Variants in EPB41L5 observed in about 807,000 individuals in gnomAD.
EPB41L5 encodes the protein band 4.1-like protein 5.
EPB41L5 carries 55 observed loss-of-function variants against 106.6 expected under a neutral mutation model. The observed-to-expected ratio is 0.52, with a 90% CI of 0.42 to 0.65. The LOEUF (loss-of-function observed/expected upper bound fraction) is 0.65, where lower values mean the gene tolerates loss of function less well. Ranked by LOEUF, EPB41L5 falls within the 30% of genes least tolerant of loss-of-function variation. EPB41L5 has a pLI of 0.00. For missense variants in EPB41L5, 871 were observed against 882.1 expected (o/e 0.99, Z 0.16); for synonymous variants, 297 against 306.7 (o/e 0.97, Z 0.33).
At chr2:120,034,344 T>C (rs1316865020) in intron 2 of EPB41L5, among the ~76,000 whole-genome samples, 1 of 152,226 alleles carries the variant, frequency 6.6e-6, no homozygotes, top group Non-Finnish European at 1.5e-5. Context: ...TTTAAAGCAA[T>C]GCTTCCCTTT....
In EPB41L5 at chr2:120,142,107, C is replaced by CTT. The variant is rs75021429; in HGVS notation, c.1600-891_1600-890dup. ...CTCTGCAACTTAGTCTCTGTGCTTTCTTTTTTAAAAAAAAAAAAAAAAAAA... is the reference window on the plus strand; with the variant it reads ...CTCTGCAACTTAGTCTCTGTGCTTTCTTTTTTTTAAAAAAAAAAAAAAAAAAA... On this transcript the variant is annotated intron_variant, in intron 18 of 24. Transcript: ENST00000263713. Among the ~76,000 whole-genome samples, 163 of 71,082 alleles carry CTT rather than the reference C, an allele frequency of 2.3e-3. 1 individual carries two copies. Among genetic ancestry groups the CTT allele is most frequent in the African/African-American group, 5.6e-3 (154 of 27,442 alleles). The allele number at this position is 71,082 out of a possible 152,430, so 46.6% of individuals were successfully genotyped here.
chr2:120,153,814 C>T (rs1686781924), intron 20 of EPB41L5, among the ~76,000 whole-genome samples: 1 of 152,296 alleles, frequency 6.6e-6, no homozygotes, highest in Non-Finnish European at 1.5e-5. Flanking sequence ...ATAGCAACCA[C>T]AGCTGTCTTT....
Position 120,178,986 on chromosome 2 carries a change from A to G in EPB41L5, c.*4079A>G, listed in dbSNP as rs879676478. Reference sequence around the variant, plus strand: ...CATTTAAAGTGTAATTTATTTTTCTATCAAGTGCACTATTCATTTAGTGTG... The same window carrying G: ...CATTTAAAGTGTAATTTATTTTTCTGTCAAGTGCACTATTCATTTAGTGTG... On this transcript the variant is annotated 3_prime_UTR_variant, in exon 25 of 25. Coordinates refer to ENST00000263713, the MANE Select transcript of EPB41L5 (RefSeq NM_020909.4). The G allele has an allele frequency of 6.6e-6, 1 of 152,206 alleles. No individual in the cohort carries two copies. The allele number at this position is 152,206 out of a possible 1,614,324, so 9.4% of individuals were successfully genotyped here. A position where few individuals can be genotyped will look rare whatever the true frequency, so the allele number is the denominator to read the frequency against.
At chr2:120,040,742 G>A (rs572211878) in intron 2 of EPB41L5, among the ~76,000 whole-genome samples, 86 of 152,242 alleles carry the variant, frequency 5.6e-4, no homozygotes, top group African/African-American at 2.0e-3. Flanking sequence ...GGAATTGGGT[G>A]GAGGGGAGAT....
intron 2 of EPB41L5, among the ~76,000 whole-genome samples, chr2:120,035,387 C>T (rs1226818578): frequency 1.3e-5 from 2 of 152,202 alleles, no homozygotes; most frequent in African/African-American, 4.8e-5. Context: ...GCATGAGCCA[C>T]CATGCCTGGC....
chr2:120,142,421 CTTTGTT>C (rs1686214762), intron 18 of EPB41L5, among the ~76,000 whole-genome samples: 1 of 151,998 alleles, frequency 6.6e-6, no homozygotes, highest in Non-Finnish European at 1.5e-5. Flanking sequence ...ATGAGCAGTA[CTTTGTT>C]TTAAAAGCAT....
chr2:120,125,512 T>A (rs933402028), intron 16 of EPB41L5, among the ~76,000 whole-genome samples: 3 of 152,182 alleles, frequency 2.0e-5, no homozygotes, highest in Admixed American at 6.5e-5. Flanking sequence ...ACCTGACATA[T>A]GCCTGGTAGT....
intron 24 of EPB41L5, among the ~76,000 whole-genome samples, chr2:120,171,995 A>G (rs1229154836): frequency 6.8e-6 from 1 of 148,078 alleles, no homozygotes; most frequent in Non-Finnish European, 1.5e-5. Context: ...TCCATGCAAC[A>G]ATAACAGGAA....
chr2:120,018,274 A>G (rs1443781995), intron 1 of EPB41L5, among the ~76,000 whole-genome samples: 2 of 152,014 alleles, frequency 1.3e-5, no homozygotes, highest in Non-Finnish European at 2.9e-5. Context: ...GCCACTTCTC[A>G]GAATTTTTAT....
At chr2:120,056,445 T>C (rs1680658662) in intron 3 of EPB41L5, among the ~76,000 whole-genome samples, 1 of 152,002 alleles carries the variant, frequency 6.6e-6, no homozygotes, top group Non-Finnish European at 1.5e-5. Flanking sequence ...ATGACAGGCA[T>C]GCACCACTGT....
chr2:120,087,388 T>G, intron 11 of EPB41L5, 148 bp downstream of exon 11: 1 of 506,962 alleles, frequency 2.0e-6, no homozygotes. Context: ...ATTTCCTTAC[T>G]TGGGTCATAC....
chr2:120,044,099 C>G (rs1281725768), intron 3 of EPB41L5, among the ~76,000 whole-genome samples: 1 of 149,782 alleles, frequency 6.7e-6, no homozygotes, highest in Non-Finnish European at 1.5e-5. Context: ...GTGATCATGC[C>G]ACTGCACTCT....
At chr2:120,165,047 T>A in intron 22 of EPB41L5, 137 bp downstream of exon 22, 1 of 619,906 alleles carries the variant, frequency 1.6e-6, no homozygotes, top group Non-Finnish European at 2.8e-6. Context: ...AATAACCACT[T>A]AGCATTGCCT....
intron 2 of EPB41L5, among the ~76,000 whole-genome samples, chr2:120,021,471 C>A (rs1266331194): frequency 1.3e-5 from 2 of 151,816 alleles, no homozygotes; most frequent in East Asian, 3.9e-4. Flanking sequence ...AGTGAAACCC[C>A]GTCTCTACTA....
intron 21 of EPB41L5, 126 bp downstream of exon 21, chr2:120,161,100 G>A (rs1287524878): frequency 1.1e-5 from 8 of 699,262 alleles, no homozygotes; most frequent in Middle Eastern, 3.2e-4. Flanking sequence ...AAGAGCAGCC[G>A]AGCACAGGGG....
At chr2:120,096,606 G>A (rs1381148258) in intron 14 of EPB41L5, among the ~76,000 whole-genome samples, 1 of 152,032 alleles carries the variant, frequency 6.6e-6, no homozygotes, top group African/African-American at 2.4e-5. Context: ...CCAGACCAAC[G>A]TGGCAAGACC....
At chr2:120,099,577 G>A (rs911490265) in intron 14 of EPB41L5, among the ~76,000 whole-genome samples, 4 of 151,774 alleles carry the variant, frequency 2.6e-5, no homozygotes, top group African/African-American at 7.3e-5. Flanking sequence ...ACAGGTGCCC[G>A]CCACCACACC....
At chr2:120,085,703 T>C (rs917813097) in intron 10 of EPB41L5, among the ~76,000 whole-genome samples, 28 of 152,336 alleles carry the variant, frequency 1.8e-4, no homozygotes, top group African/African-American at 6.7e-4. Context: ...GTTGAACACC[T>C]TTACGGTTGT....
chr2:120,022,347 C>G (rs561828122), intron 2 of EPB41L5, among the ~76,000 whole-genome samples: 1 of 152,068 alleles, frequency 6.6e-6, no homozygotes, highest in African/African-American at 2.4e-5. Context: ...CCCCACCCCC[C>G]GACAGGCCCT....
Sources: gnomAD v4.1 joint callset for allele counts (sites outside exome capture counted in the v4.1 genomes callset) on GRCh38, gnomAD v4.1.1 for gene constraint, MANE v1.5 for transcripts, NCBI Gene and HGNC (gene_info 2026-07-23, HGNC 2026-07-21) for gene names.